Variants in MAST4 observed in about 807,000 individuals in gnomAD.
MAST4 encodes microtubule associated serine/threonine kinase family member 4.
In MAST4, 89 loss-of-function variants were observed where a neutral mutation model predicts 162.7. That is an observed-to-expected ratio of 0.55 (90% CI 0.46 to 0.65). The LOEUF (loss-of-function observed/expected upper bound fraction) is 0.65, where lower values mean the gene tolerates loss of function less well. MAST4 is among the 30% of genes least tolerant of loss of function. The pLI, the probability that MAST4 is intolerant of heterozygous loss-of-function variation, is 0.00. For missense variants in MAST4, 3,153 were observed against 3,374.0 expected (o/e 0.93, Z 1.62); for synonymous variants, 1,479 against 1,361.1 (o/e 1.09, Z -1.91).
intron 1 of MAST4, among the ~76,000 whole-genome samples, chr5:66,618,064 G>A (rs184253328): frequency 2.8e-4 from 42 of 151,310 alleles, no homozygotes; most frequent in East Asian, 5.8e-4. Context: ...GTGTCTATGC[G>A]TGTTAAAGGC....
chr5:67,061,131 T>A (rs1212083035), intron 5 of MAST4, among the ~76,000 whole-genome samples: 1 of 150,886 alleles, frequency 6.6e-6, no homozygotes, highest in Admixed American at 6.6e-5. Flanking sequence ...TTTATTGTAT[T>A]CTTCAGTCTT....
In MAST4 at chr5:66,596,840, A is replaced by ACCC; in HGVS notation, c.185_186insCCC (p.Gln62delinsHisPro). 1 of 1,242,996 alleles carries ACCC rather than the reference A, an allele frequency of 8.0e-7. No homozygotes were observed. Among genetic ancestry groups the ACCC allele is most frequent in the Non-Finnish European group, 1.0e-6 (1 of 990,274 alleles). The allele number at this position is 1,242,996 out of a possible 1,614,324, so 77.0% of individuals were successfully genotyped here. On this transcript the variant is annotated protein_altering_variant, in exon 1 of 29. Coordinates refer to ENST00000403625, the MANE Select transcript of MAST4 (RefSeq NM_001164664.2). ...CCCGGCGGCTTCTCCAGAGAGCATC[A>ACCC]GCCGCCGCCGCCGCCGCCGTTGGGA...
intron 4 of MAST4, among the ~76,000 whole-genome samples, chr5:66,939,124 C>A: frequency 6.6e-6 from 1 of 151,754 alleles, no homozygotes; most frequent in Admixed American, 6.6e-5. Flanking sequence ...AATCAGTTAA[C>A]AAAATAGGTA....
chr5:66,904,822 G>C (rs1314144798), intron 4 of MAST4, among the ~76,000 whole-genome samples: 1 of 150,908 alleles, frequency 6.6e-6, no homozygotes, highest in Non-Finnish European at 1.5e-5. Flanking sequence ...TGCTACAGGA[G>C]TATATTGCAT....
At chr5:66,661,636 G>C (rs1746918391) in intron 1 of MAST4, among the ~76,000 whole-genome samples, 2 of 152,154 alleles carry the variant, frequency 1.3e-5, no homozygotes, top group Non-Finnish European at 2.9e-5. Context: ...AGATCTGCCT[G>C]TTCAGAGCCT....
chr5:66,921,770 T>C lies in MAST4; in HGVS notation c.674+21788T>C, dbSNP rs187579802. 1.3e-4 allele frequency among the ~76,000 whole-genome samples: 20 copies of C among 152,180 alleles called. No individual in the cohort carries two copies. In the East Asian group the frequency reaches 3.7e-3, roughly 28 times the overall value. ...TGGGACCCATCTCAAAAGAAAAATA[T>C]GAATCAAGATCAATGTTTTGCATGC... is the stretch of plus-strand genomic sequence containing the variant. On this transcript the variant is annotated intron_variant, in intron 4 of 28. Coordinates refer to ENST00000403625, the MANE Select transcript of MAST4 (RefSeq NM_001164664.2).
chr5:67,133,651 G>A lies in MAST4; in HGVS notation c.2226+5G>A. 6.2e-7 allele frequency: 1 copy of A among 1,612,532 alleles called. No individual in the cohort carries two copies. Among genetic ancestry groups the A allele is most frequent in the Non-Finnish European group, 8.5e-7 (1 of 1,179,032 alleles). The stretch of plus-strand genomic sequence containing the variant: ...AGAGAGTTCCTGGATAAACAGGTAA[G>A]CTTGGGTGCCATTTAGTTTATTGAG... On this transcript the variant is annotated splice_donor_5th_base_variant and intron_variant, in intron 17 of 28. Coordinates refer to ENST00000403625, the MANE Select transcript of MAST4 (RefSeq NM_001164664.2).
chr5:66,836,001 C>T (rs1757941450), intron 3 of MAST4, among the ~76,000 whole-genome samples: 1 of 151,920 alleles, frequency 6.6e-6, no homozygotes, highest in South Asian at 2.1e-4. Context: ...GAAAACTTGT[C>T]TCTATAAAAA....
At chr5:66,902,927 GCTAC>G (rs1344240325) in intron 4 of MAST4, among the ~76,000 whole-genome samples, 6 of 151,954 alleles carry the variant, frequency 3.9e-5, no homozygotes, top group Non-Finnish European at 8.8e-5. Context: ...CCTCCTTCCA[GCTAC>G]CTGTCAAAAT....
chr5:66,964,722 G>A (rs943135584), intron 4 of MAST4, among the ~76,000 whole-genome samples: 1 of 152,218 alleles, frequency 6.6e-6, no homozygotes, highest in African/African-American at 2.4e-5. Flanking sequence ...AGAATGGCGT[G>A]AACTCGGGAG....
At chr5:66,629,577 T>C (rs990574096) in intron 1 of MAST4, among the ~76,000 whole-genome samples, 2 of 152,244 alleles carry the variant, frequency 1.3e-5, no homozygotes, top group Non-Finnish European at 2.9e-5. Context: ...CAGTGTGTTT[T>C]ACCACATTTA....
intron 6 of MAST4, among the ~76,000 whole-genome samples, chr5:67,091,158 T>C (rs986240548): frequency 6.6e-6 from 1 of 152,206 alleles, no homozygotes; most frequent in Non-Finnish European, 1.5e-5. Context: ...TTCTTACACA[T>C]GTGACTAACT....
At chr5:66,940,332 TC>T (rs1318543398) in intron 4 of MAST4, among the ~76,000 whole-genome samples, 2 of 152,148 alleles carry the variant, frequency 1.3e-5, no homozygotes, top group African/African-American at 4.8e-5. Flanking sequence ...GTGGACTCTT[TC>T]TTTCACAAAA....
At chr5:66,920,585 G>A (rs1045062030) in intron 4 of MAST4, among the ~76,000 whole-genome samples, 2 of 152,090 alleles carry the variant, frequency 1.3e-5, no homozygotes, top group African/African-American at 4.8e-5. Context: ...CCGCCTTCCA[G>A]GTTCAAGGGA....
intron 4 of MAST4, among the ~76,000 whole-genome samples, chr5:66,901,867 A>G (rs1763031177): frequency 6.6e-6 from 1 of 152,144 alleles, no homozygotes; most frequent in South Asian, 2.1e-4. Flanking sequence ...TGAATACTGT[A>G]CAGAATGCCA....
At chr5:66,680,903 T>C (rs1377974357) in intron 1 of MAST4, among the ~76,000 whole-genome samples, 1 of 152,206 alleles carries the variant, frequency 6.6e-6, no homozygotes, top group East Asian at 1.9e-4. Flanking sequence ...CCCAAGGGCT[T>C]GGGCCTCCTT....
Position 66,815,701 on chromosome 5 carries a change from G to T in MAST4, c.642+26907G>T, listed in dbSNP as rs569897936. Among the ~76,000 whole-genome samples the T allele has an allele frequency of 1.4e-4, 21 of 152,224 alleles. No homozygotes were observed. The East Asian group carries it at 4.1e-3, about 29-fold the overall frequency. On this transcript the variant is annotated intron_variant, in intron 3 of 28. Coordinates refer to ENST00000403625, the MANE Select transcript of MAST4 (RefSeq NM_001164664.2). The stretch of plus-strand genomic sequence containing the variant: ...CTGGTATTATTTATGATGGCTTAGG[G>T]TATTGCTTTACAAATAAGAATCAGA...
intron 3 of MAST4, among the ~76,000 whole-genome samples, chr5:66,790,685 C>T (rs192901242): frequency 8.5e-5 from 13 of 152,274 alleles, no homozygotes; most frequent in Middle Eastern, 3.4e-3. Context: ...GCTGGGACTA[C>T]AGGCACATAC....
chr5:66,951,382 T>A (rs1206578887), intron 4 of MAST4, among the ~76,000 whole-genome samples: 1 of 152,158 alleles, frequency 6.6e-6, no homozygotes, highest in African/African-American at 2.4e-5. Flanking sequence ...AACCTCTGCT[T>A]TTGTCACATC....
Sources: gnomAD v4.1 joint callset for allele counts (sites outside exome capture counted in the v4.1 genomes callset) on GRCh38, gnomAD v4.1.1 for gene constraint, MANE v1.5 for transcripts, NCBI Gene and HGNC (gene_info 2026-07-23, HGNC 2026-07-21) for gene names.